LRRC31: variants seen among roughly 807,000 people sequenced by gnomAD.
LRRC31 encodes the protein leucine-rich repeat-containing protein 31.
In LRRC31, 35 loss-of-function variants were observed where a neutral mutation model predicts 46.7. That is an observed-to-expected ratio of 0.75 (90% CI 0.57 to 0.99). The LOEUF is 0.99. LRRC31 is among the 50% of genes least tolerant of loss of function. The probability of loss-of-function intolerance (pLI) is 0.00; values close to 1 mark genes in which losing one functional copy is unlikely to be tolerated. For synonymous variants in LRRC31, 236 were observed against 235.1 expected, an observed-to-expected ratio of 1.00 and a Z score of -0.03; for missense variants, 613 against 626.1, an observed-to-expected ratio of 0.98 and a Z score of 0.22.
At position 169,840,011 on chromosome 3, in the gene LRRC31, T is replaced by A; in HGVS notation, c.1630A>T (p.Ile544Phe). ...ECFDQDKKRS[I>F]HFDHGGFQ The stretch of plus-strand genomic sequence containing the variant: ...TGAAACCCACCATGGTCAAAGTGAA[T>A]GCTTCTTTTTTTATCTTGGTCAAAG... Residue 544 changes from isoleucine (I) to phenylalanine (F), a missense_variant, in exon 9 of 9, where the codon ATT becomes TTT. Transcript: ENST00000316428. 6.2e-7 allele frequency: 1 copy of A among 1,613,390 alleles called. No homozygotes were observed. Among genetic ancestry groups the A allele is most frequent in the South Asian group, 1.1e-5 (1 of 90,972 alleles).
intron 7 of LRRC31, among the ~76,000 whole-genome samples, chr3:169,850,704 A>T (rs4955676): frequency 1.3e-5 from 2 of 151,988 alleles, no homozygotes; most frequent in Non-Finnish European, 2.9e-5. Flanking sequence ...CATGCCTTAT[A>T]CAGTTATAAG....
At chr3:169,867,061 T>TTTTTTTTTTG (rs1781357168) in intron 1 of LRRC31, among the ~76,000 whole-genome samples, 1 of 141,614 alleles carries the variant, frequency 7.1e-6, no homozygotes, top group African/African-American at 2.9e-5. Context: ...GTTTGTTTGT[T>TTTTTTTTTTG]TTTTTTTTTT....
intron 8 of LRRC31, among the ~76,000 whole-genome samples, chr3:169,845,854 C>T (rs144886751): frequency 2.0e-5 from 3 of 152,144 alleles, no homozygotes; most frequent in African/African-American, 7.2e-5. Flanking sequence ...ATTGATAAAT[C>T]TTTATCAAAA....
intron 5 of LRRC31, 145 bp from the exon 6 acceptor site, chr3:169,855,125 T>TA (rs1295742239): frequency 6.6e-6 from 4 of 605,214 alleles, no homozygotes; most frequent in Non-Finnish European, 1.1e-5. Flanking sequence ...ATCCATCTCT[T>TA]AAAAAAAGAA....
chr3:169,841,249 T>A (rs1312865153), intron 8 of LRRC31, among the ~76,000 whole-genome samples: 1 of 152,194 alleles, frequency 6.6e-6, no homozygotes, highest in African/African-American at 2.4e-5. Flanking sequence ...CCCCAATCAG[T>A]CAGCTGTAAC....
chr3:169,854,365 A>G (rs1780879421), intron 6 of LRRC31, among the ~76,000 whole-genome samples: 1 of 152,214 alleles, frequency 6.6e-6, no homozygotes, highest in African/African-American at 2.4e-5. Flanking sequence ...TAGTTGCCCA[A>G]AGCAGTAACG....
chr3:169,860,548 G>T lies in LRRC31; in HGVS notation c.487+13C>A. 1 of 1,613,640 alleles carries T rather than the reference G, an allele frequency of 6.2e-7. No homozygotes were observed. ...CGGCCGAATCCATCTTTTAAGAAATGCATTCATCATACCCAGTGCTTGAAC... is the reference window on the plus strand; with the variant it reads ...CGGCCGAATCCATCTTTTAAGAAATTCATTCATCATACCCAGTGCTTGAAC... On this transcript the variant is annotated intron_variant, in intron 3 of 8. Transcript: ENST00000316428.
At chr3:169,841,010 G>T (rs1780431566) in intron 8 of LRRC31, among the ~76,000 whole-genome samples, 1 of 152,198 alleles carries the variant, frequency 6.6e-6, no homozygotes, top group Admixed American at 6.5e-5. Flanking sequence ...GCAGAGATCA[G>T]GTGGGTTGTA....
intron 6 of LRRC31, chr3:169,853,134 C>T (rs1780838679): frequency 1.3e-6 from 1 of 764,852 alleles, no homozygotes; most frequent in Middle Eastern, 6.6e-4. Flanking sequence ...TTTACTCCTG[C>T]CCTTGCCATA....
chr3:169,869,841 A>T lies in LRRC31; in HGVS notation c.-34T>A, dbSNP rs1781443625. ...TGATGGGGGTAGTTCCCAATAAGAC[A>T]TCTTCCTGTTGCTTTCTGTTTTCTA... On this transcript the variant is annotated 5_prime_UTR_variant, in exon 1 of 9. The change abolishes an upstream ATG in the 5' untranslated region. Coordinates refer to ENST00000316428, the MANE Select transcript of LRRC31 (RefSeq NM_024727.4). The T allele has an allele frequency of 1.3e-6, 2 of 1,548,018 alleles. No homozygotes were observed. The highest frequency in any genetic ancestry group is 1.8e-6 in the Non-Finnish European group (2 of 1,142,548).
At position 169,866,036 on chromosome 3, in the gene LRRC31, A is replaced by G. The variant is rs149481121; in HGVS notation, c.175+3597T>C. 8.5e-5 allele frequency among the ~76,000 whole-genome samples: 13 copies of G among 152,278 alleles called. No individual in the cohort carries two copies. The East Asian group carries it at 1.7e-3, about 20-fold the overall frequency. ...GAGAAGGCAAAGGTCATGAAGAGAT[A>G]TCCAATATCCAACTGATCACTAATA... On this transcript the variant is annotated intron_variant, in intron 1 of 8. Transcript: ENST00000316428.
At chr3:169,864,001 A>AGC (rs1553925510) in intron 1 of LRRC31, among the ~76,000 whole-genome samples, 2 of 148,618 alleles carry the variant, frequency 1.3e-5, no homozygotes. Flanking sequence ...TCCAAAGCCT[A>AGC]GTGTGTGTGT....
At chr3:169,853,435 G>C in intron 6 of LRRC31, 1 of 985,432 alleles carries the variant, frequency 1.0e-6, no homozygotes, top group Non-Finnish European at 1.2e-6. Context: ...CAGTGGCTGT[G>C]AACCTAGGTA....
intron 8 of LRRC31, 30 bp from the exon 9 acceptor site, chr3:169,840,343 CAT>C (rs1780410491): frequency 6.2e-7 from 1 of 1,608,678 alleles, no homozygotes; most frequent in East Asian, 2.2e-5. Context: ...TAAATGCTAA[CAT>C]ACAAGAATAC....
intron 1 of LRRC31, among the ~76,000 whole-genome samples, chr3:169,867,745 A>G (rs1350415464): frequency 6.6e-6 from 1 of 152,246 alleles, no homozygotes; most frequent in East Asian, 1.9e-4. Context: ...TGTTTTTAAA[A>G]TGCTTTTAAT....
intron 1 of LRRC31, among the ~76,000 whole-genome samples, chr3:169,868,107 T>C (rs1781385304): frequency 6.6e-6 from 1 of 152,214 alleles, no homozygotes. Context: ...GAGGAATCTG[T>C]AAGCTATTAC....
chr3:169,848,150 A>T lies in LRRC31; in HGVS notation c.1297T>A (p.Ser433Thr), dbSNP rs1780659358. 5 of 1,613,928 alleles carry T rather than the reference A, an allele frequency of 3.1e-6. No homozygotes were observed. Among genetic ancestry groups the T allele is most frequent in the Non-Finnish European group, 3.4e-6 (4 of 1,179,930 alleles). Residue 433 changes from serine to threonine, a missense_variant, in exon 8 of 9, where the codon TCC becomes ACC. Physicochemically the swap from Ser to Thr is moderately conservative, Grantham distance 58 (BLOSUM62 1). Coordinates refer to ENST00000316428, the MANE Select transcript of LRRC31 (RefSeq NM_024727.4). ...AGAGCCACATCCTCTGTCACCAGGG[A>T]ACAGCTGCTCAGCCTCAGCACTTGA... ...SLQVLRLSSC[S>T]LVTEDVALLA... is the part of the protein sequence containing the mutation.
At chr3:169,859,016 AAGG>A (rs1560630993) in intron 3 of LRRC31, among the ~76,000 whole-genome samples, 2 of 119,428 alleles carry the variant, frequency 1.7e-5, no homozygotes, top group Non-Finnish European at 3.5e-5. Flanking sequence ...CAAAAAAAAA[AAGG>A]GGGGGGGTGG....
At position 169,861,653 on chromosome 3, in the gene LRRC31, G is replaced by A; in HGVS notation, c.319+17C>T. On this transcript the variant is annotated intron_variant, in intron 2 of 8. Transcript: ENST00000316428. ...AAGGCCCTATCTTCCTCTATGCAAAGTCTGCTGCATACAGACCCATTTCTT... is the reference window on the plus strand; with the variant it reads ...AAGGCCCTATCTTCCTCTATGCAAAATCTGCTGCATACAGACCCATTTCTT... 1 of 1,611,910 alleles carries A rather than the reference G, an allele frequency of 6.2e-7. No individual in the cohort carries two copies. The highest frequency in any genetic ancestry group is 1.1e-5 in the South Asian group (1 of 90,586).
Sources: allele counts gnomAD v4.1 joint callset (sites outside exome capture counted in the v4.1 genomes callset), GRCh38; gene constraint gnomAD v4.1.1; transcripts MANE v1.5; gene names NCBI Gene and HGNC (gene_info 2026-07-23, HGNC 2026-07-21).